Variants in TSHZ3 observed in about 807,000 individuals in gnomAD.
TSHZ3 encodes the protein teashirt homolog 3.
TSHZ3 carries 10 observed loss-of-function variants against 64.5 expected under a neutral mutation model. That is an observed-to-expected ratio of 0.16 (90% CI 0.10 to 0.26). The LOEUF is 0.26. Among genes scored for constraint, TSHZ3 ranks in the 10% least tolerant of loss-of-function variants. The pLI, the probability that TSHZ3 is intolerant of heterozygous loss-of-function variation, is 1.00. For synonymous variants in TSHZ3, 608 were observed against 593.1 expected, an observed-to-expected ratio of 1.03 and a Z score of -0.36; for missense variants, 1,242 against 1,421.7, an observed-to-expected ratio of 0.87 and a Z score of 2.03.
At chr19:31,220,655 T>A (rs983024116) in intron 4 of TSHZ3, among the ~76,000 whole-genome samples, 7 of 152,198 alleles carry the variant, frequency 4.6e-5, no homozygotes, top group Admixed American at 1.3e-4. Flanking sequence ...CCCTTTCTAT[T>A]CAGCTGGCAG....
intron 3 of TSHZ3, among the ~76,000 whole-genome samples, chr19:31,228,977 T>C (rs1000231767): frequency 1.3e-5 from 2 of 152,188 alleles, no homozygotes; most frequent in African/African-American, 4.8e-5. Context: ...TGATTGAAAC[T>C]GAGTCCAGTA....
chr19:31,172,423 C>T (rs73552068), intron 5 of TSHZ3, among the ~76,000 whole-genome samples: 4 of 152,178 alleles, frequency 2.6e-5, no homozygotes, highest in African/African-American at 7.2e-5. Flanking sequence ...GTACAAATCT[C>T]CCATGTACAC....
In TSHZ3 at chr19:31,279,381, G is replaced by A. The variant is rs775158869; in HGVS notation, c.412C>T (p.Leu138=). Residue 138 remains leucine, a synonymous_variant, in exon 2 of 2, where the codon CTG becomes TTG. Coordinates refer to ENST00000240587, the MANE Select transcript of TSHZ3 (RefSeq NM_020856.4). The surrounding 1 kb of genome is among the most constrained non-coding windows in gnomAD (Gnocchi z 6.4). The stretch of plus-strand genomic sequence containing the variant: ...TTCTTCTCCGAGGAGGGCTGGTGCA[G>A]GTTGAGGTTGAGGTTGGACCAGTAG... ...NSYWSNLNLN[L]HQPSSEKNNG... 14 of 1,614,112 alleles carry A rather than the reference G, an allele frequency of 8.7e-6. No individual in the cohort carries two copies. The South Asian group carries it at 1.5e-4, about 18-fold the overall frequency.
intron 5 of TSHZ3, among the ~76,000 whole-genome samples, chr19:31,190,532 G>A (rs1599571676): frequency 1.3e-5 from 2 of 152,022 alleles, no homozygotes; most frequent in African/African-American, 4.8e-5. Flanking sequence ...ATCCTAACAT[G>A]ATCAAACTGA....
chr19:31,241,192 C>T (rs1975683809), intron 3 of TSHZ3, among the ~76,000 whole-genome samples: 2 of 152,210 alleles, frequency 1.3e-5, no homozygotes, highest in South Asian at 4.1e-4. Flanking sequence ...GCTTGCACAT[C>T]GTCTAGTAGG....
chr19:31,183,178 T>TTCTCTCTCTCTCTC (rs750398873), intron 5 of TSHZ3, among the ~76,000 whole-genome samples: 15 of 116,534 alleles, frequency 1.3e-4, no homozygotes, highest in East Asian at 2.6e-4. Context: ...TTCTATGAGA[T>TTCTCTCTCTCTCTC]TCTCTCTCTC....
intron 1 of TSHZ3, among the ~76,000 whole-genome samples, chr19:31,341,943 A>G (rs1347496206): frequency 6.6e-6 from 1 of 152,216 alleles, no homozygotes; most frequent in Non-Finnish European, 1.5e-5. Context: ...TTTTCCAATA[A>G]ATGCCTCTCC....
chr19:31,313,990 C>A (rs1377714448), intron 1 of TSHZ3, among the ~76,000 whole-genome samples: 6 of 152,184 alleles, frequency 3.9e-5, no homozygotes, highest in African/African-American at 1.4e-4. Flanking sequence ...TGACGGTGAG[C>A]CTTTCTCTCT....
Position 31,275,471 on chromosome 19 carries a change from C to G in TSHZ3, c.*1076G>C, listed in dbSNP as rs1976212773. On this transcript the variant is annotated 3_prime_UTR_variant, in exon 2 of 2. Transcript: ENST00000240587. ...CTTTTTTTTAACCTTTTCAAATAGA[C>G]TTAACCCTTTGAGCACTGAGTTTAT... The G allele has an allele frequency of 1.3e-5, 2 of 150,696 alleles. No homozygotes were observed. The highest frequency in any genetic ancestry group is 3.4e-3 in the Middle Eastern group (1 of 292). 9.3% of individuals were successfully genotyped at this position (150,696 alleles called of 1,614,324 possible). A position where few individuals can be genotyped will look rare whatever the true frequency, so the allele number is the denominator to read the frequency against.
chr19:31,244,648 CT>C lies in TSHZ3; in HGVS notation n.64-1774del, dbSNP rs908570103. 4.3e-4 allele frequency among the ~76,000 whole-genome samples: 65 copies of C among 151,510 alleles called. 1 individual carries two copies. Among genetic ancestry groups the C allele is most frequent in the East Asian group, 3.3e-3 (17 of 5,156 alleles). On this transcript the variant is annotated intron_variant and non_coding_transcript_variant, in intron 1 of 6. Coordinates refer to the TSHZ3 transcript ENST00000651361. ...TGTATACGGTCATTCAAAATCATTT[CT>C]TTTTTTTTAATTGAGATATGGCCTG... is the stretch of plus-strand genomic sequence containing the variant.
Position 31,276,443 on chromosome 19 carries a change from A to T in TSHZ3, c.*104T>A. On this transcript the variant is annotated 3_prime_UTR_variant, in exon 2 of 2. Transcript: ENST00000240587. ...CAGCCCAGAGTGATTCTCTGCAGTT[A>T]AAATAAGAACATGTGCCAAGAACAA... 1 of 1,122,580 alleles carries T rather than the reference A, an allele frequency of 8.9e-7. No individual in the cohort carries two copies. Among genetic ancestry groups the T allele is most frequent in the Non-Finnish European group, 1.3e-6 (1 of 780,634 alleles). 69.5% of individuals were successfully genotyped at this position (1,122,580 alleles called of 1,614,324 possible).
intron 1 of TSHZ3, among the ~76,000 whole-genome samples, chr19:31,254,468 A>G (rs1044785421): frequency 6.6e-6 from 1 of 152,114 alleles, no homozygotes; most frequent in Non-Finnish European, 1.5e-5. Context: ...GTCAGCACCA[A>G]TCCCCGGGGC....
At chr19:31,268,112 T>TC (rs1207926206) in intron 1 of TSHZ3, among the ~76,000 whole-genome samples, 1 of 152,100 alleles carries the variant, frequency 6.6e-6, no homozygotes, top group Non-Finnish European at 1.5e-5. Flanking sequence ...AAATGGGAGT[T>TC]CCCCTGCCCA....
chr19:31,295,879 C>T (rs914092147), intron 1 of TSHZ3, among the ~76,000 whole-genome samples: 1 of 149,250 alleles, frequency 6.7e-6, no homozygotes, highest in African/African-American at 2.5e-5. Flanking sequence ...CCCATCACCC[C>T]AGTAGTGAGC....
chr19:31,330,316 C>G (rs899818745), intron 1 of TSHZ3, among the ~76,000 whole-genome samples: 42 of 152,292 alleles, frequency 2.8e-4, no homozygotes, highest in African/African-American at 9.9e-4. Flanking sequence ...ACATCTAACG[C>G]CTAGCAGGGG....
chr19:31,334,905 A>C (rs964832039), intron 1 of TSHZ3, among the ~76,000 whole-genome samples: 1 of 152,160 alleles, frequency 6.6e-6, no homozygotes, highest in African/African-American at 2.4e-5. Context: ...TCTCCTCTAA[A>C]GAATAAGCAA....
At chr19:31,262,172 T>C (rs1490248094) in intron 1 of TSHZ3, among the ~76,000 whole-genome samples, 3 of 152,160 alleles carry the variant, frequency 2.0e-5, no homozygotes, top group Non-Finnish European at 4.4e-5. Context: ...GTCAATTAAT[T>C]AGATTAAGAG....
chr19:31,267,540 C>G (rs112297393), intron 1 of TSHZ3, among the ~76,000 whole-genome samples: 2 of 152,158 alleles, frequency 1.3e-5, no homozygotes, highest in African/African-American at 4.8e-5. Context: ...GCATCTCCTT[C>G]TTTCCCCTGC....
chr19:31,272,858 C>T (rs758084250), downstream of TSHZ3, among the ~76,000 whole-genome samples: 13 of 152,148 alleles, frequency 8.5e-5, no homozygotes, highest in South Asian at 2.1e-4. Context: ...CAGGGTCACC[C>T]GCGCACCTGT....
Sources: gnomAD v4.1 joint callset for allele counts (sites outside exome capture counted in the v4.1 genomes callset) on GRCh38, gnomAD v4.1.1 for gene constraint, Gnocchi (gnomAD v3.1) non-coding constraint, MANE v1.5 for transcripts, NCBI Gene and HGNC (gene_info 2026-07-23, HGNC 2026-07-21) for gene names.